PARP9: variants seen among roughly 807,000 people sequenced by gnomAD.
The protein encoded by PARP9 is protein mono-ADP-ribosyltransferase PARP9.
Under a neutral mutation model 68.8 loss-of-function variants are expected in PARP9, and 48 were observed. The observed-to-expected ratio is 0.70, with a 90% confidence interval of 0.55 to 0.89. The LOEUF (loss-of-function observed/expected upper bound fraction) is 0.89. Among genes scored for constraint, PARP9 ranks in the 40% least tolerant of loss-of-function variants. The pLI, the probability that PARP9 is intolerant of heterozygous loss-of-function variation, is 0.00. For missense variants in PARP9, 806 were observed against 969.3 expected (o/e 0.83, Z 2.24); for synonymous variants, 309 against 333.8 (o/e 0.93, Z 0.81).
At position 122,546,967 on chromosome 3, in the gene PARP9, A is replaced by G. The variant is rs1490627915; in HGVS notation, c.1327-1478T>C. Among the ~76,000 whole-genome samples, 3 of 57,848 alleles carry G rather than the reference A, an allele frequency of 5.2e-5. No homozygotes were observed. The Admixed American group carries it at 6.6e-4, about 13-fold the overall frequency. 38.0% of individuals were successfully genotyped at this position (57,848 alleles called of 152,430 possible). On this transcript the variant is annotated intron_variant, in intron 6 of 10. Transcript: ENST00000682323. ...GTGCCTGACAGACACAATACATGGC[A>G]CTATATATATATATATATATATATA...
rs749895969 is a variant in PARP9 at position 122,555,970 on chromosome 3, G to C, written c.201C>G (p.Gly67=). 6.2e-7 allele frequency: 1 copy of C among 1,613,856 alleles called. No homozygotes were observed. The highest frequency in any genetic ancestry group is 1.1e-5 in the South Asian group (1 of 91,076). Residue 67 remains glycine (G), a synonymous_variant, in exon 4 of 11, where the codon GGC becomes GGG. Transcript: ENST00000682323. ...TGAACACTTGCAGAGATTTGCTGTT[G>C]CCTTCCTGAACTGGAGAGACCAGGG... ...ISTLVSPVQE[G]NSKSLQVFRK... is the part of the protein sequence containing the mutation.
chr3:122,544,740 G>C (rs577587495), intron 7 of PARP9, among the ~76,000 whole-genome samples: 1 of 152,208 alleles, frequency 6.6e-6, no homozygotes, highest in Non-Finnish European at 1.5e-5. Context: ...GGAGACTTAG[G>C]TGGGAGGATG....
chr3:122,548,677 C>T (rs2078954344), intron 6 of PARP9, among the ~76,000 whole-genome samples: 1 of 152,058 alleles, frequency 6.6e-6, no homozygotes, highest in African/African-American at 2.4e-5. Context: ...ATCTGTCCAC[C>T]CAAACAAAAA....
intron 6 of PARP9, among the ~76,000 whole-genome samples, chr3:122,548,967 C>T (rs1047488132): frequency 6.6e-6 from 1 of 152,042 alleles, no homozygotes; most frequent in Non-Finnish European, 1.5e-5. Context: ...AACAGCTAAC[C>T]TTCTACTCTG....
chr3:122,528,244 A>T lies in PARP9; in HGVS notation c.*120T>A. 1 of 1,292,214 alleles carries T rather than the reference A, an allele frequency of 7.7e-7. No homozygotes were observed. Among genetic ancestry groups the T allele is most frequent in the Non-Finnish European group, 1.1e-6 (1 of 934,080 alleles). 80.0% of individuals were successfully genotyped at this position (1,292,214 alleles called of 1,614,324 possible). A position where few individuals can be genotyped will look rare whatever the true frequency, so the allele number is the denominator to read the frequency against. On this transcript the variant is annotated 3_prime_UTR_variant, in exon 11 of 11. Transcript: ENST00000682323. ...ATGTGGCTAGTCCTTTCAATAACCCAGTCAGTCCATACAGATAACCCATGG... is the reference window on the plus strand; with the variant it reads ...ATGTGGCTAGTCCTTTCAATAACCCTGTCAGTCCATACAGATAACCCATGG...
chr3:122,540,588 T>C lies in PARP9; in HGVS notation c.1649A>G (p.Glu550Gly). The C allele has an allele frequency of 6.2e-7, 1 of 1,614,166 alleles. No individual in the cohort carries two copies. The highest frequency in any genetic ancestry group is 8.5e-7 in the Non-Finnish European group (1 of 1,180,036). The change falls in exon 8 of 11, where the codon GAG becomes GGG. Residue 550 changes from glutamate to glycine, a missense_variant. Physicochemically the swap from Glu to Gly is moderately conservative, Grantham distance 98. Transcript: ENST00000682323. ...GAGGTCAGCCCGGGCTCCTTCAATC[T>C]CTAACTCTGTCCTTCCTGGGCTGAT... is the stretch of plus-strand genomic sequence containing the variant. ...EIISPGRTEL[E>G]IEGARADLIE...
chr3:122,554,885 A>AT (rs111889676), intron 4 of PARP9, among the ~76,000 whole-genome samples: 5,577 of 143,610 alleles, frequency 0.039, 293 homozygotes, highest in East Asian at 0.23. Context: ...TGCCCTGATA[A>AT]TTTTTTTTTT....
In PARP9 at chr3:122,540,759, T is replaced by G; in HGVS notation, c.1478A>C (p.Tyr493Ser). 6.2e-7 allele frequency: 1 copy of G among 1,613,866 alleles called. No homozygotes were observed. The highest frequency in any genetic ancestry group is 1.3e-5 in the African/African-American group (1 of 74,924). ...NLMGFNVEEM[Y>S]EAHAWIQRIL... is the part of the protein sequence containing the mutation. ...TCTTTGGATCCATGCGTGGGCCTCATACATCTCTTCCACGTTGAATCCCAT... is the reference window on the plus strand; with the variant it reads ...TCTTTGGATCCATGCGTGGGCCTCAGACATCTCTTCCACGTTGAATCCCAT... The change falls in exon 8 of 11, where the codon TAT (tyrosine) becomes TCT (serine). Residue 493 changes from tyrosine (Y) to serine (S), a missense_variant. Physicochemically the swap from Tyr to Ser is moderately radical, Grantham distance 144. This residue lies in a region of PARP9 where 680 missense variants were observed against 858.8 expected (regional missense o/e 0.79). Transcript: ENST00000682323.
intron 8 of PARP9, among the ~76,000 whole-genome samples, chr3:122,539,511 CTTTCTTTCTTT>C (rs2077952775): frequency 5.9e-5 from 1 of 16,964 alleles, no homozygotes; most frequent in Admixed American, 3.7e-4. Flanking sequence ...GATGGCATTT[CTTTCTTTCTTT>C]CTTTCTTTCT....
chr3:122,542,640 C>A (rs978298938), intron 7 of PARP9, among the ~76,000 whole-genome samples: 1 of 151,156 alleles, frequency 6.6e-6, no homozygotes, highest in Non-Finnish European at 1.5e-5. Context: ...CCACCACACC[C>A]GGCTAATTTT....
chr3:122,533,541 G>T, intron 10 of PARP9: 1 of 366,168 alleles, frequency 2.7e-6, no homozygotes, highest in Non-Finnish European at 3.8e-6. Context: ...AAAGAGAGAA[G>T]ATAAAGAATG....
intron 5 of PARP9, among the ~76,000 whole-genome samples, chr3:122,551,226 T>C (rs1438347832): frequency 6.6e-6 from 1 of 152,236 alleles, no homozygotes; most frequent in Non-Finnish European, 1.5e-5. Context: ...TATCATGTAA[T>C]TTCTCTTGGA....
chr3:122,556,135 GAAGATTAAAAA>G lies in PARP9; in HGVS notation c.50-25_50-15del. 3 of 145,234 alleles carry G rather than the reference GAAGATTAAAAA, an allele frequency of 2.1e-5. No homozygotes were observed. The highest frequency in any genetic ancestry group is 1.2e-4 in the South Asian group (1 of 8,388). The allele number at this position is 145,234 out of a possible 1,614,324, so 9.0% of individuals were successfully genotyped here. On this transcript the variant is annotated splice_polypyrimidine_tract_variant and intron_variant, in intron 3 of 10. Transcript: ENST00000682323. ...GAGCACCAGTCTCTGGAAAAGAAGA[GAAGATTAAAAA>G]AAAAAAAAAAAAAAAAAAAAAAAAA...
intron 1 of PARP9, 77 bp downstream of exon 1, chr3:122,564,168 C>T (rs953490054): frequency 6.6e-5 from 32 of 484,154 alleles, no homozygotes; most frequent in South Asian, 5.2e-4. Context: ...GGTCCGCGCC[C>T]GTCCCCCTTC....
Position 122,564,270 on chromosome 3 carries a change from G to T in PARP9, c.-115C>A. The T allele has an allele frequency of 1.1e-6, 1 of 925,294 alleles. No homozygotes were observed. Among genetic ancestry groups the T allele is most frequent in the Non-Finnish European group, 1.6e-6 (1 of 643,008 alleles). 57.3% of individuals were successfully genotyped at this position (925,294 alleles called of 1,614,324 possible). ...CCGGCAGGCCGCTCTCCTCGGTGCAGACAGCACAGGGAGGAGGGGGAAGCG... is the reference window on the plus strand; with the variant it reads ...CCGGCAGGCCGCTCTCCTCGGTGCATACAGCACAGGGAGGAGGGGGAAGCG... On this transcript the variant is annotated 5_prime_UTR_variant, in exon 1 of 11. It adds an upstream start codon to the 5' untranslated region. Transcript: ENST00000682323.
chr3:122,558,281 A>G, intron 3 of PARP9, 153 bp downstream of exon 3: 1 of 1,591,012 alleles, frequency 6.3e-7, no homozygotes, highest in Middle Eastern at 1.7e-4. Flanking sequence ...TGCCACACCA[A>G]CTCTGAAGCA....
chr3:122,542,765 A>C (rs973655779), intron 7 of PARP9, among the ~76,000 whole-genome samples: 2 of 152,154 alleles, frequency 1.3e-5, no homozygotes, highest in African/African-American at 4.8e-5. Flanking sequence ...GGCGTGAGCC[A>C]CTGCACCCGG....
At chr3:122,532,185 T>C in intron 10 of PARP9, 1 of 985,348 alleles carries the variant, frequency 1.0e-6, no homozygotes, top group African/African-American at 1.7e-5. Context: ...GCATTCAGCT[T>C]GGAGGATGAA....
upstream of PARP9, chr3:122,564,413 C>G: frequency 6.2e-7 from 1 of 1,602,326 alleles, no homozygotes; most frequent in Non-Finnish European, 8.5e-7. Flanking sequence ...CGCGCCCTCC[C>G]GACGCGCAGA....
Sources: allele counts gnomAD v4.1 joint callset (sites outside exome capture counted in the v4.1 genomes callset), GRCh38; gene constraint gnomAD v4.1.1; regional missense constraint gnomAD v4.1.1; transcripts MANE v1.5; gene names NCBI Gene and HGNC (gene_info 2026-07-23, HGNC 2026-07-21).